PDE10A: variants seen among roughly 807,000 people sequenced by gnomAD.
PDE10A encodes cAMP and cAMP-inhibited cGMP 3',5'-cyclic phosphodiesterase 10A.
In PDE10A, 39 loss-of-function variants were observed where a neutral mutation model predicts 97.7. The observed-to-expected ratio is 0.40, with a 90% CI of 0.31 to 0.52. The LOEUF is 0.52. PDE10A is among the 20% of genes least tolerant of loss of function. The probability of loss-of-function intolerance (pLI) is 0.56; values close to 1 mark genes in which losing one functional copy is unlikely to be tolerated. For missense variants in PDE10A, 731 were observed against 1,047.8 expected, an observed-to-expected ratio of 0.70 and a Z score of 4.17; for synonymous variants, 371 against 376.8, an observed-to-expected ratio of 0.98 and a Z score of 0.18.
chr6:165,373,132 G>A (rs1418129689), intron 18 of PDE10A, among the ~76,000 whole-genome samples: 1 of 151,064 alleles, frequency 6.6e-6, no homozygotes, highest in African/African-American at 2.4e-5. Context: ...AACCCTAGAA[G>A]AAAACCTAGG....
At chr6:165,923,323 C>T (rs1164914521) in intron 1 of PDE10A, among the ~76,000 whole-genome samples, 1 of 152,202 alleles carries the variant, frequency 6.6e-6, no homozygotes, top group Non-Finnish European at 1.5e-5. Context: ...TAAGACAAAA[C>T]TCTGTGCATG....
At chr6:165,430,969 A>G (rs114318965) in intron 8 of PDE10A, among the ~76,000 whole-genome samples, 25 of 152,312 alleles carry the variant, frequency 1.6e-4, no homozygotes, top group African/African-American at 5.1e-4. Flanking sequence ...CAGTAAAACT[A>G]TAAGTAGTTG....
At chr6:165,933,988 CTT>C (rs35582422) in intron 1 of PDE10A, among the ~76,000 whole-genome samples, 23 of 140,162 alleles carry the variant, frequency 1.6e-4, no homozygotes, top group Middle Eastern at 3.4e-3. Context: ...CATCAATTCC[CTT>C]TTTTTTTTTT....
intron 1 of PDE10A, among the ~76,000 whole-genome samples, chr6:165,907,194 G>T (rs113890395): frequency 6.6e-6 from 1 of 152,240 alleles, no homozygotes; most frequent in South Asian, 2.1e-4. Flanking sequence ...AAGGCACAAG[G>T]CTCCATCGCC....
At chr6:165,491,594 C>A (rs956316424) in intron 2 of PDE10A, among the ~76,000 whole-genome samples, 3 of 152,044 alleles carry the variant, frequency 2.0e-5, no homozygotes, top group African/African-American at 7.2e-5. Context: ...CAAAAGGGAC[C>A]CTCAAAATCA....
intron 1 of PDE10A, among the ~76,000 whole-genome samples, chr6:165,606,464 A>T (rs1327988278): frequency 6.6e-6 from 1 of 152,160 alleles, no homozygotes; most frequent in Non-Finnish European, 1.5e-5. Flanking sequence ...ACTGGCTACC[A>T]CAGCAGGGGA....
Position 165,431,454 on chromosome 6 carries a change from C to A in PDE10A, c.1510G>T (p.Ala504Ser), listed in dbSNP as rs1034272028. ...SHQEVATANL[A>S]WASVAIHQVQ... ...TGATGTATTGCTACTGAAGCCCAGG[C>A]AAGATTTGCTGTTGCAACCTAAAAA... is the stretch of plus-strand genomic sequence containing the variant. The change falls in exon 8 of 22, where the codon GCC becomes TCC. Residue 504 changes from alanine (A) to serine (S), a missense_variant. Transcript: ENST00000539869. 1 of 1,598,038 alleles carries A rather than the reference C, an allele frequency of 6.3e-7. No homozygotes were observed.
intron 1 of PDE10A, among the ~76,000 whole-genome samples, chr6:165,622,314 C>A (rs1353868161): frequency 6.6e-6 from 1 of 151,642 alleles, no homozygotes; most frequent in Non-Finnish European, 1.5e-5. Flanking sequence ...GCGTGTGTGT[C>A]ACTTAATGGA....
At chr6:165,594,004 T>C (rs1786435264) in intron 1 of PDE10A, among the ~76,000 whole-genome samples, 1 of 152,250 alleles carries the variant, frequency 6.6e-6, no homozygotes, top group Non-Finnish European at 1.5e-5. Flanking sequence ...TTACTTTGTA[T>C]AATATTGTTT....
chr6:165,936,807 A>G (rs986337009), intron 1 of PDE10A, among the ~76,000 whole-genome samples: 3 of 152,228 alleles, frequency 2.0e-5, no homozygotes, highest in African/African-American at 4.8e-5. Flanking sequence ...TTGTTCCCCA[A>G]TATTCTCTCT....
chr6:165,840,590 A>G (rs1463108729), intron 1 of PDE10A, among the ~76,000 whole-genome samples: 1 of 152,216 alleles, frequency 6.6e-6, no homozygotes, highest in Non-Finnish European at 1.5e-5. Flanking sequence ...AAACTGCAGG[A>G]GATGAATGTG....
Position 165,581,890 on chromosome 6 carries a change from T to C in PDE10A, c.866-38322A>G, listed in dbSNP as rs116254815. Reference sequence around the variant, plus strand: ...AACATTTGGACTAGAAGTCTAACAATGGGGTTTCTAGTTTTGATTATTTCA... The same window carrying C: ...AACATTTGGACTAGAAGTCTAACAACGGGGTTTCTAGTTTTGATTATTTCA... On this transcript the variant is annotated intron_variant, in intron 1 of 21. Transcript: ENST00000539869. Among the ~76,000 whole-genome samples, 1,461 of 152,314 alleles carry C rather than the reference T, an allele frequency of 9.6e-3. 27 individuals are homozygous for C. Among genetic ancestry groups the C allele is most frequent in the African/African-American group, 0.033 (1,392 of 41,568 alleles).
intron 1 of PDE10A, among the ~76,000 whole-genome samples, chr6:165,834,553 G>A (rs1780018700): frequency 6.6e-6 from 1 of 152,186 alleles, no homozygotes. Context: ...GGGCTTGGAA[G>A]GCACAGATCT....
At chr6:165,800,208 G>A (rs1023222595) in intron 1 of PDE10A, among the ~76,000 whole-genome samples, 1 of 152,156 alleles carries the variant, frequency 6.6e-6, no homozygotes, top group African/African-American at 2.4e-5. Flanking sequence ...ATTCTGCTGA[G>A]CCCTGAACAA....
intron 5 of PDE10A, among the ~76,000 whole-genome samples, chr6:165,445,515 A>G (rs1439489622): frequency 6.6e-6 from 1 of 152,100 alleles, no homozygotes; most frequent in African/African-American, 2.4e-5. Flanking sequence ...CTAAATAGAG[A>G]CCCCTTTAGA....
chr6:165,605,343 G>A (rs544868385), intron 1 of PDE10A, among the ~76,000 whole-genome samples: 1 of 152,268 alleles, frequency 6.6e-6, no homozygotes, highest in Non-Finnish European at 1.5e-5. Flanking sequence ...CTGTGCAGTC[G>A]CATTCAGGGG....
rs181037495 is a variant in PDE10A, at chr6:165,854,528, G to T, written c.-615+133001C>A. Among the ~76,000 whole-genome samples the T allele has an allele frequency of 3.3e-4, 50 of 152,344 alleles. No homozygotes were observed. In the East Asian group the frequency reaches 9.3e-3, roughly 28 times the overall value. ...GCCAGACAAGGAGCCCTGAGGGGCG[G>T]CCTCAAGGAGCGCCCAGGCCGCTGA... On this transcript the variant is annotated intron_variant, in intron 1 of 19. Coordinates refer to the PDE10A transcript ENST00000366882.
chr6:165,414,417 T>C (rs1403761090), intron 12 of PDE10A, among the ~76,000 whole-genome samples: 2 of 152,208 alleles, frequency 1.3e-5, no homozygotes, highest in Non-Finnish European at 2.9e-5. Flanking sequence ...GGTAGTTACA[T>C]GGGAGTCTTC....
At chr6:165,463,125 C>T (rs921752182) in intron 3 of PDE10A, among the ~76,000 whole-genome samples, 2 of 152,146 alleles carry the variant, frequency 1.3e-5, no homozygotes, top group Admixed American at 6.5e-5. Flanking sequence ...TCTCAGTCTG[C>T]GAGCCACAGC....
Sources: allele counts gnomAD v4.1 joint callset (sites outside exome capture counted in the v4.1 genomes callset), GRCh38; gene constraint gnomAD v4.1.1; transcripts MANE v1.5; gene names NCBI Gene and HGNC (gene_info 2026-07-23, HGNC 2026-07-21).